SIRPA: variants seen among roughly 807,000 people sequenced by gnomAD.
SIRPA encodes signal regulatory protein alpha.
SIRPA carries 9 observed loss-of-function variants against 50.3 expected under a neutral mutation model. The ratio of observed to expected loss-of-function variants is 0.18; its 90% confidence interval spans 0.11 to 0.31. The LOEUF (loss-of-function observed/expected upper bound fraction) is 0.31, where lower values mean the gene tolerates loss of function less well. SIRPA is among the 10% of genes least tolerant of loss of function. SIRPA has a pLI of 1.00. For synonymous variants in SIRPA, 265 were observed against 284.1 expected, an observed-to-expected ratio of 0.93 and a Z score of 0.68; for missense variants, 474 against 661.6, an observed-to-expected ratio of 0.72 and a Z score of 3.11.
intron 6 of SIRPA, among the ~76,000 whole-genome samples, chr20:1,930,604 T>A (rs756058312): frequency 2.6e-5 from 4 of 152,210 alleles, no homozygotes; most frequent in Admixed American, 2.0e-4. Context: ...TATTTTTTAT[T>A]TTTGAGACGG....
intron 1 of SIRPA, among the ~76,000 whole-genome samples, chr20:1,910,130 T>C (rs527529451): frequency 6.6e-6 from 1 of 152,224 alleles, no homozygotes; most frequent in East Asian, 1.9e-4. Context: ...TTCTTTGAAA[T>C]CCATCTTTGC....
chr20:1,918,360 C>CTTTTTTTTTTT (rs60736526), intron 2 of SIRPA, among the ~76,000 whole-genome samples: 39 of 95,676 alleles, frequency 4.1e-4, no homozygotes, highest in East Asian at 5.8e-4. Flanking sequence ...ACCACACCAG[C>CTTTTTTTTTTT]TTTTTTTTTT....
rs1986439481 is a variant in SIRPA at position 1,934,039 on chromosome 20, CTA to C, written c.1227-674_1227-673del. On this transcript the variant is annotated intron_variant, in intron 6 of 7. Transcript: ENST00000358771. This position sits in a 1 kb window ranked among gnomAD's most constrained non-coding sequence, Gnocchi z 4.6. ...AAAGACCACTGCAGTTTGCATTTTG[CTA>C]TGTTTCCTTCCAGTGTTATCCACAC... 6.6e-6 allele frequency among the ~76,000 whole-genome samples: 1 copy of C among 152,102 alleles called. No homozygotes were observed. The highest frequency in any genetic ancestry group is 1.5e-5 in the Non-Finnish European group (1 of 68,014).
At position 1,927,963 on chromosome 20, in the gene SIRPA, A is replaced by G. The variant is rs1986086529; in HGVS notation, c.1226+64A>G. The G allele has an allele frequency of 7.3e-7, 1 of 1,378,544 alleles. No individual in the cohort carries two copies. Among genetic ancestry groups the G allele is most frequent in the Admixed American group, 1.7e-5 (1 of 59,716 alleles). 85.4% of individuals were successfully genotyped at this position (1,378,544 alleles called of 1,614,324 possible). On this transcript the variant is annotated intron_variant, in intron 6 of 7. Coordinates refer to ENST00000358771, the MANE Select transcript of SIRPA (RefSeq NM_001040023.2). This position sits in a 1 kb window ranked among gnomAD's most constrained non-coding sequence, Gnocchi z 6.5. ...ATTTGGTTATTTGACAGCCCCCCAG[A>G]CTACAAAGCATAATCCATGTCCACT...
Position 1,927,333 on chromosome 20 carries a change from C to T in SIRPA, c.1202-542C>T, listed in dbSNP as rs1197527384. On this transcript the variant is annotated intron_variant, in intron 5 of 7. Coordinates refer to ENST00000358771, the MANE Select transcript of SIRPA (RefSeq NM_001040023.2). This position sits in a 1 kb window ranked among gnomAD's most constrained non-coding sequence, Gnocchi z 6.5. ...TGGACACTTTCTTTCCTTCCAAGAT[C>T]CTTTTTTTGGAAAGTGGTGGCATGT... Among the ~76,000 whole-genome samples, 1 of 152,164 alleles carries T rather than the reference C, an allele frequency of 6.6e-6. No individual in the cohort carries two copies. The highest frequency in any genetic ancestry group is 1.5e-5 in the Non-Finnish European group (1 of 68,032).
intron 2 of SIRPA, among the ~76,000 whole-genome samples, chr20:1,918,953 G>C (rs1985479414): frequency 6.6e-6 from 1 of 152,228 alleles, no homozygotes; most frequent in African/African-American, 2.4e-5. Flanking sequence ...CCACCACCAT[G>C]GGCCTCAGTG....
Position 1,895,506 on chromosome 20 carries a change from C to T in SIRPA, c.59C>T (p.Ala20Val). 1 of 1,460,814 alleles carries T rather than the reference C, an allele frequency of 6.8e-7. No homozygotes were observed. The highest frequency in any genetic ancestry group is 9.0e-7 in the Non-Finnish European group (1 of 1,109,236). 90.5% of individuals were successfully genotyped at this position (1,460,814 alleles called of 1,614,324 possible). A position where few individuals can be genotyped will look rare whatever the true frequency, so the allele number is the denominator to read the frequency against. The change falls in exon 1 of 8, where the codon GCC becomes GTC. Residue 20 changes from alanine to valine, a missense_variant. By Grantham distance (64) the Ala-to-Val change is moderately conservative. This residue lies in a region of SIRPA where 72 missense variants were observed against 76.2 expected (regional missense o/e 0.94). Coordinates refer to ENST00000358771, the MANE Select transcript of SIRPA (RefSeq NM_001040023.2). ...GGGCCGCTGCTCTGCCTGCTGCTCG[C>T]CGCGTCCTGCGCCTGGTCAGGTAAG... ...RLGPLLCLLL[A>V]ASCAWSGVAG...
upstream of SIRPA, chr20:1,894,725 G>T (rs1983651218): frequency 6.7e-6 from 1 of 148,416 alleles, no homozygotes; most frequent in African/African-American, 2.4e-5. This position sits in a 1 kb window ranked among gnomAD's most constrained non-coding sequence, Gnocchi z 4.0. Context: ...TGCCCTCCCC[G>T]GCCGGGCGCG....
At chr20:1,913,609 A>C (rs1268954600) in intron 1 of SIRPA, among the ~76,000 whole-genome samples, 2 of 152,176 alleles carry the variant, frequency 1.3e-5, no homozygotes, top group African/African-American at 2.4e-5. Flanking sequence ...TGTCACCTGC[A>C]TACCAGGTAG....
At chr20:1,912,111 G>A (rs1163529944) in intron 1 of SIRPA, among the ~76,000 whole-genome samples, 2 of 152,066 alleles carry the variant, frequency 1.3e-5, no homozygotes, top group Non-Finnish European at 2.9e-5. Context: ...GAGAGAGCTC[G>A]AGAGGAGCTA....
intron 5 of SIRPA, 137 bp downstream of exon 5, chr20:1,925,014 G>A: frequency 1.5e-6 from 1 of 689,420 alleles, no homozygotes; most frequent in Non-Finnish European, 2.6e-6. Context: ...TGCTAGGGCT[G>A]GGGCAGTGGC....
chr20:1,901,746 C>G (rs1984223704), intron 1 of SIRPA, among the ~76,000 whole-genome samples: 1 of 152,134 alleles, frequency 6.6e-6, no homozygotes, highest in Non-Finnish European at 1.5e-5. Flanking sequence ...TTCTTTGTGT[C>G]TGTAAGATTT....
chr20:1,933,207 T>C lies in SIRPA; in HGVS notation c.1227-1508T>C, dbSNP rs1001935086. On this transcript the variant is annotated intron_variant, in intron 6 of 7. Coordinates refer to ENST00000358771, the MANE Select transcript of SIRPA (RefSeq NM_001040023.2). This position sits in a 1 kb window ranked among gnomAD's most constrained non-coding sequence, Gnocchi z 4.4. ...CAGGCAGACAGCAATAGAAACCAGA[T>C]ATGCAGATAGACAGGAGATCTGAGA... Among the ~76,000 whole-genome samples the C allele has an allele frequency of 1.3e-5, 2 of 152,016 alleles. No homozygotes were observed. The highest frequency in any genetic ancestry group is 4.8e-5 in the African/African-American group (2 of 41,348).
Position 1,940,096 on chromosome 20 carries a change from G to C in SIRPA, c.*2528G>C, listed in dbSNP as rs903721738. 6.6e-6 allele frequency: 1 copy of C among 152,254 alleles called. No homozygotes were observed. Among genetic ancestry groups the C allele is most frequent in the African/African-American group, 2.4e-5 (1 of 41,466 alleles). 9.4% of individuals were successfully genotyped at this position (152,254 alleles called of 1,614,324 possible). A position where few individuals can be genotyped will look rare whatever the true frequency, so the allele number is the denominator to read the frequency against. ...CTGGCTCAGAAGGAGCCGGTGTAAGGTTGAGATAAAATTCCATATAGACAA... is the reference window on the plus strand; with the variant it reads ...CTGGCTCAGAAGGAGCCGGTGTAAGCTTGAGATAAAATTCCATATAGACAA... On this transcript the variant is annotated 3_prime_UTR_variant, in exon 8 of 8. Coordinates refer to ENST00000358771, the MANE Select transcript of SIRPA (RefSeq NM_001040023.2).
chr20:1,937,405 C>T lies in SIRPA; in HGVS notation c.1352C>T (p.Thr451Met), dbSNP rs527874912. 48 of 1,614,118 alleles carry T rather than the reference C, an allele frequency of 3.0e-5. No homozygotes were observed. Among genetic ancestry groups the T allele is most frequent in the African/African-American group, 1.3e-4 (10 of 75,016 alleles). ...APQAAEPNNH[T>M]EYASIQTSPQ... The stretch of plus-strand genomic sequence containing the variant: ...CAGGCTGCGGAGCCCAACAACCACA[C>T]GGAGTATGCCAGCATTCAGACCAGC... Residue 451 changes from threonine (T) to methionine (M), a missense_variant, in exon 8 of 8, where the codon ACG becomes ATG. Coordinates refer to ENST00000358771, the MANE Select transcript of SIRPA (RefSeq NM_001040023.2). The surrounding 1 kb of genome is among the most constrained non-coding windows in gnomAD (Gnocchi z 8.3).
chr20:1,902,808 T>G (rs895038901), intron 1 of SIRPA, among the ~76,000 whole-genome samples: 1 of 151,878 alleles, frequency 6.6e-6, no homozygotes, highest in African/African-American at 2.4e-5. Context: ...GGTCAGGAGT[T>G]TGAGACCAGC....
rs931948826 is a variant in SIRPA, at chr20:1,895,540, C to G, written c.79+14C>G. On this transcript the variant is annotated intron_variant, in intron 1 of 7. Transcript: ENST00000358771. ...GCGCCTGGTCAGGTAAGCACCCCCC[C>G]GCTCCCCACCGCTGCACTCCCCAAA... is the stretch of plus-strand genomic sequence containing the variant. The G allele has an allele frequency of 7.0e-7, 1 of 1,432,156 alleles. No homozygotes were observed. The highest frequency in any genetic ancestry group is 9.1e-7 in the Non-Finnish European group (1 of 1,093,910). 88.7% of individuals were successfully genotyped at this position (1,432,156 alleles called of 1,614,324 possible).
rs1434067192 is a variant in SIRPA at position 1,898,602 on chromosome 20, G to C, written c.79+3076G>C. The stretch of plus-strand genomic sequence containing the variant: ...GGGGAACTAACTTATAAGTGATAGA[G>C]AGGAGCCAGGATTTTGGATGCTGGC... On this transcript the variant is annotated intron_variant, in intron 1 of 7. Coordinates refer to ENST00000358771, the MANE Select transcript of SIRPA (RefSeq NM_001040023.2). The surrounding 1 kb of genome is among the most constrained non-coding windows in gnomAD (Gnocchi z 4.3). Among the ~76,000 whole-genome samples, 1 of 152,112 alleles carries C rather than the reference G, an allele frequency of 6.6e-6. No homozygotes were observed. Among genetic ancestry groups the C allele is most frequent in the African/African-American group, 2.4e-5 (1 of 41,410 alleles).
rs80125717 is a variant in SIRPA, at chr20:1,936,793, A to G, written c.1267-527A>G. Among the ~76,000 whole-genome samples the G allele has an allele frequency of 5.5e-3, 835 of 152,312 alleles. 7 individuals are homozygous for G. Among genetic ancestry groups the G allele is most frequent in the African/African-American group, 0.019 (802 of 41,550 alleles). On this transcript the variant is annotated intron_variant, in intron 7 of 7. Coordinates refer to ENST00000358771, the MANE Select transcript of SIRPA (RefSeq NM_001040023.2). The surrounding 1 kb of genome is among the most constrained non-coding windows in gnomAD (Gnocchi z 4.2). ...TCAGCAGCACCTCCTCAGGCCCCCA[A>G]ACAGACATGGTCCTGGGTAGCGGGC...
Sources: gnomAD v4.1 joint callset for allele counts (sites outside exome capture counted in the v4.1 genomes callset) on GRCh38, gnomAD v4.1.1 for gene constraint, gnomAD v4.1.1 regional missense constraint, Gnocchi (gnomAD v3.1) non-coding constraint, MANE v1.5 for transcripts, NCBI Gene and HGNC (gene_info 2026-07-23, HGNC 2026-07-21) for gene names.